Variants in DPP4 observed in about 807,000 individuals in gnomAD.
The protein encoded by DPP4 is dipeptidyl peptidase 4.
DPP4 carries 93 observed loss-of-function variants against 122.4 expected under a neutral mutation model. That is an observed-to-expected ratio of 0.76 (90% CI 0.64 to 0.90). The LOEUF (loss-of-function observed/expected upper bound fraction) is 0.90, where lower values mean the gene tolerates loss of function less well. DPP4 is among the 40% of genes least tolerant of loss of function. The pLI is 0.00. For synonymous variants in DPP4, 321 were observed against 302.9 expected, an observed-to-expected ratio of 1.06 and a Z score of -0.62; for missense variants, 914 against 907.3, an observed-to-expected ratio of 1.01 and a Z score of -0.09.
chr2:162,024,757 C>T, intron 11 of DPP4, 47 bp downstream of exon 11: 1 of 1,599,452 alleles, frequency 6.3e-7, no homozygotes, highest in Non-Finnish European at 8.5e-7. Context: ...CACAGACCCT[C>T]TGATCACATG....
At chr2:162,034,313 G>T (rs1683687360) in intron 9 of DPP4, among the ~76,000 whole-genome samples, 1 of 151,656 alleles carries the variant, frequency 6.6e-6, no homozygotes, top group Non-Finnish European at 1.5e-5. Context: ...AGTTTTTTTT[G>T]TATGTGCCAG....
chr2:162,006,843 T>C (rs1007845726), intron 22 of DPP4, among the ~76,000 whole-genome samples: 9 of 152,148 alleles, frequency 5.9e-5, no homozygotes, highest in African/African-American at 2.2e-4. Context: ...TATCTTGCCA[T>C]TGTGCTATCT....
chr2:162,062,652 T>G lies in DPP4; in HGVS notation c.94+10747A>C, dbSNP rs551633091. On this transcript the variant is annotated intron_variant, in intron 2 of 25. Transcript: ENST00000360534. ...ACCTCCTAGAGATGACCCACATTCC[T>G]GGCCATATGGCCCCTCCATCTTCCA... Among the ~76,000 whole-genome samples, 5 of 152,376 alleles carry G rather than the reference T, an allele frequency of 3.3e-5. No homozygotes were observed. The South Asian group carries it at 1.0e-3, about 32-fold the overall frequency.
intron 10 of DPP4, among the ~76,000 whole-genome samples, chr2:162,033,307 C>T (rs1013430161): frequency 6.6e-6 from 1 of 152,128 alleles, no homozygotes; most frequent in Admixed American, 6.5e-5. Flanking sequence ...AATGTAGGCT[C>T]CATAACACCA....
intron 10 of DPP4, among the ~76,000 whole-genome samples, chr2:162,030,712 A>G (rs1463999741): frequency 6.6e-6 from 1 of 152,206 alleles, no homozygotes; most frequent in Non-Finnish European, 1.5e-5. Context: ...TACCAGTGTT[A>G]ACAGAGACCA....
rs1276286618 is a variant in DPP4 at position 162,005,793 on chromosome 2, T to C, written c.2004A>G (p.Glu668=). 6.2e-7 allele frequency: 1 copy of C among 1,612,926 alleles called. No homozygotes were observed. The highest frequency in any genetic ancestry group is 1.3e-5 in the African/African-American group (1 of 74,878). The change falls in exon 23 of 26, where the codon GAA becomes GAG. Residue 668 remains glutamate, a synonymous_variant. Transcript: ENST00000360534. ...RWEYYDSVYT[E]RYMGLPTPED... ...CTGGAGTTGGGAGACCCATGTAACG[T>C]TCTGTGTACACTGAGTCTGTGAAAG...
At chr2:162,057,652 C>A (rs961579508) in intron 2 of DPP4, among the ~76,000 whole-genome samples, 7 of 152,228 alleles carry the variant, frequency 4.6e-5, no homozygotes, top group Non-Finnish European at 7.3e-5. Flanking sequence ...GAGCTTTGAT[C>A]TGAGATCTTC....
In DPP4 at chr2:162,033,604, G is replaced by C; in HGVS notation, c.824C>G (p.Ser275Cys). Reference sequence around the variant, plus strand: ...AGTTGCATTGGTGACTGAGCTGAGAGAGTCTGTATTTACAACAAAGAACTT... The same window carrying C: ...AGTTGCATTGGTGACTGAGCTGAGACAGTCTGTATTTACAACAAAGAACTT... ...TVKFFVVNTD[S>C]LSSVTNATSI... is the part of the protein sequence containing the mutation. Residue 275 changes from serine (S) to cysteine (C), a missense_variant, in exon 10 of 26, where the codon TCT becomes TGT. By Grantham distance (112) the Ser-to-Cys change is moderately radical (BLOSUM62 -1). Transcript: ENST00000360534. The C allele has an allele frequency of 6.2e-7, 1 of 1,612,992 alleles. No homozygotes were observed. Among genetic ancestry groups the C allele is most frequent in the Non-Finnish European group, 8.5e-7 (1 of 1,179,570 alleles).
At chr2:162,008,375 C>A (rs1701336676) in intron 22 of DPP4, among the ~76,000 whole-genome samples, 187 bp downstream of exon 22, 1 of 152,044 alleles carries the variant, frequency 6.6e-6, no homozygotes, top group South Asian at 2.1e-4. Flanking sequence ...ATAAAATATA[C>A]CACCCAGCCT....
rs34282135 is a variant in DPP4 at position 162,020,303 on chromosome 2, G to GTTTTTTT, written c.1177-14_1177-8dup. The GTTTTTTT allele has an allele frequency of 5.0e-6, 6 of 1,191,332 alleles. No homozygotes were observed. Among genetic ancestry groups the GTTTTTTT allele is most frequent in the Non-Finnish European group, 6.7e-6 (6 of 894,274 alleles). 73.8% of individuals were successfully genotyped at this position (1,191,332 alleles called of 1,614,324 possible). On this transcript the variant is annotated splice_polypyrimidine_tract_variant and splice_region_variant and intron_variant, in intron 13 of 25. Coordinates refer to ENST00000360534, the MANE Select transcript of DPP4 (RefSeq NM_001935.4). ...TTGTAATAAATGTGCAGTCCTGATG[G>GTTTTTTT]TTTTTTTTTTTTTTCAAAAAAAAAA...
At chr2:162,000,201 C>G (rs1269039963) in intron 23 of DPP4, among the ~76,000 whole-genome samples, 1 of 152,046 alleles carries the variant, frequency 6.6e-6, no homozygotes, top group Non-Finnish European at 1.5e-5. Flanking sequence ...ATGCATTCTC[C>G]TACTTGTAAC....
chr2:162,005,657 A>AAAAATAAATTC, intron 23 of DPP4, 88 bp downstream of exon 23: 1 of 1,180,056 alleles, frequency 8.5e-7, no homozygotes, highest in South Asian at 1.4e-5. Flanking sequence ...AAATAAAAAT[A>AAAAATAAATTC]TGTATTTTCT....
intron 25 of DPP4, among the ~76,000 whole-genome samples, chr2:161,994,398 T>C (rs538479019): frequency 5.3e-5 from 8 of 152,326 alleles, no homozygotes; most frequent in African/African-American, 1.9e-4. Context: ...TTTGACATAA[T>C]ACGTAGAAAT....
At chr2:162,017,999 C>T (rs893113006) in intron 16 of DPP4, among the ~76,000 whole-genome samples, 1 of 151,076 alleles carries the variant, frequency 6.6e-6, no homozygotes, top group African/African-American at 2.4e-5. Context: ...GCTTTTAGCA[C>T]AGTGCTTAGA....
intron 2 of DPP4, among the ~76,000 whole-genome samples, chr2:162,049,753 A>C (rs1684319097): frequency 6.6e-6 from 1 of 152,216 alleles, no homozygotes; most frequent in Non-Finnish European, 1.5e-5. Context: ...GATAATAAAG[A>C]AAATACAGGT....
intron 18 of DPP4, among the ~76,000 whole-genome samples, chr2:162,015,579 T>C (rs1455800997): frequency 6.6e-6 from 1 of 152,134 alleles, no homozygotes; most frequent in Non-Finnish European, 1.5e-5. Flanking sequence ...GTCTTTGGTT[T>C]GGGGGGTTCT....
At chr2:162,018,016 C>A (rs143279125) in intron 16 of DPP4, among the ~76,000 whole-genome samples, 2 of 151,456 alleles carry the variant, frequency 1.3e-5, no homozygotes, top group South Asian at 2.1e-4. Flanking sequence ...TAGAATAAAG[C>A]GCATGCCCAA....
At chr2:162,019,065 C>T (rs1683025556) in intron 15 of DPP4, among the ~76,000 whole-genome samples, 158 bp downstream of exon 15, 1 of 151,818 alleles carries the variant, frequency 6.6e-6, no homozygotes, top group Non-Finnish European at 1.5e-5. Flanking sequence ...AAGCCATTCT[C>T]TCTTGTGGAC....
intron 5 of DPP4, among the ~76,000 whole-genome samples, chr2:162,039,539 G>T (rs962789040): frequency 6.6e-6 from 1 of 152,066 alleles, no homozygotes; most frequent in East Asian, 1.9e-4. Context: ...ATTGGCAAAA[G>T]ATTTAAACGA....
Sources: gnomAD v4.1 joint callset for allele counts (sites outside exome capture counted in the v4.1 genomes callset) on GRCh38, gnomAD v4.1.1 for gene constraint, MANE v1.5 for transcripts, NCBI Gene and HGNC (gene_info 2026-07-23, HGNC 2026-07-21) for gene names.